IRAG2: variants seen among roughly 807,000 people sequenced by gnomAD.
The protein encoded by IRAG2 is inositol 1,4,5-triphosphate receptor associated 2, also known as lymphoid restricted membrane protein.
A neutral mutation model predicts 69.9 loss-of-function variants in IRAG2; 45 were observed. The observed-to-expected ratio is 0.64, with a 90% CI of 0.51 to 0.83. The LOEUF (loss-of-function observed/expected upper bound fraction) is 0.83, where lower values mean the gene tolerates loss of function less well. Among genes scored for constraint, IRAG2 ranks in the 40% least tolerant of loss-of-function variants. The pLI, the probability that IRAG2 is intolerant of heterozygous loss-of-function variation, is 0.00. For missense variants in IRAG2, 520 were observed against 587.0 expected (o/e 0.89, Z 1.18); for synonymous variants, 193 against 202.4 (o/e 0.95, Z 0.40).
At chr12:25,057,390 C>T (rs1429425439) in intron 1 of IRAG2, among the ~76,000 whole-genome samples, 1 of 149,124 alleles carries the variant, frequency 6.7e-6, no homozygotes, top group Non-Finnish European at 1.5e-5. Context: ...TCCTGAGTAG[C>T]TAGGACTATA....
chr12:25,005,655 G>A (rs1176863450), intron 2 of IRAG2, among the ~76,000 whole-genome samples: 4 of 152,032 alleles, frequency 2.6e-5, no homozygotes, highest in East Asian at 1.9e-4. Context: ...CGTAGGTGGC[G>A]CCCCACAGGA....
At chr12:25,026,733 TC>T in intron 8 of IRAG2, 1 of 829,084 alleles carries the variant, frequency 1.2e-6, no homozygotes. Context: ...ACTTTGTTTG[TC>T]CTCATCTTTT....
At chr12:25,097,238 T>TA (rs10686292) in intron 15 of IRAG2, among the ~76,000 whole-genome samples, 194 bp downstream of exon 15, 3 of 152,122 alleles carry the variant, frequency 2.0e-5, no homozygotes, top group African/African-American at 7.2e-5. Context: ...AAAAATATAA[T>TA]ACGATCCAGT....
At chr12:25,004,289 A>T, upstream of IRAG2, 1 of 1,138,262 alleles carries the variant, frequency 8.8e-7, no homozygotes, top group Middle Eastern at 3.3e-4. Flanking sequence ...ACATGTATCT[A>T]CTTTTGCCTA....
chr12:25,039,000 C>T (rs149694254), intron 16 of IRAG2, among the ~76,000 whole-genome samples: 3 of 152,256 alleles, frequency 2.0e-5, no homozygotes, highest in African/African-American at 7.2e-5. Context: ...CTTTCTCTAC[C>T]CTCAATTCTT....
At chr12:25,105,587 T>G (rs2140268539) in intron 20 of IRAG2, among the ~76,000 whole-genome samples, 1 of 152,252 alleles carries the variant, frequency 6.6e-6, no homozygotes, top group African/African-American at 2.4e-5. Flanking sequence ...CTACTGCATG[T>G]GTTACAAACT....
chr12:25,079,862 T>C (rs1947077356), intron 9 of IRAG2, 99 bp downstream of exon 9: 1 of 653,608 alleles, frequency 1.5e-6, no homozygotes, highest in Non-Finnish European at 2.6e-6. Context: ...AATAATGTTA[T>C]TTAATTTTTT....
At chr12:25,089,741 T>A in intron 12 of IRAG2, 22 bp from the exon 13 acceptor site, 1 of 1,613,238 alleles carries the variant, frequency 6.2e-7, no homozygotes, top group Non-Finnish European at 8.5e-7. Flanking sequence ...TGTTTAAATA[T>A]GTTTTTTGTC....
In IRAG2 at chr12:25,018,110, T is replaced by G. The variant is rs182524557; in HGVS notation, c.1214+818T>G. ...CTTCAGATGATGGACATTTGGAGTG[T>G]TTCCACTCTTTGGCTATTAGGAATA... On this transcript the variant is annotated intron_variant, in intron 6 of 38. Coordinates refer to the IRAG2 transcript ENST00000636465. Among the ~76,000 whole-genome samples, 306 of 152,260 alleles carry G rather than the reference T, an allele frequency of 2.0e-3. 1 individual carries two copies. Among genetic ancestry groups the G allele is most frequent in the Non-Finnish European group, 3.3e-3 (222 of 68,004 alleles).
At chr12:25,001,775 T>TG (rs1944392997), upstream of IRAG2, among the ~76,000 whole-genome samples, 2 of 151,242 alleles carry the variant, frequency 1.3e-5, no homozygotes, top group South Asian at 4.2e-4. Flanking sequence ...TTTTGGTTTT[T>TG]TTTTTTTTTT....
chr12:25,034,305 T>G (rs1344514512), intron 13 of IRAG2, among the ~76,000 whole-genome samples: 1 of 152,202 alleles, frequency 6.6e-6, no homozygotes, highest in African/African-American at 2.4e-5. Context: ...TTCCAAACCC[T>G]GAAAGTAAAT....
intron 13 of IRAG2, among the ~76,000 whole-genome samples, chr12:25,034,517 G>C (rs918692482): frequency 6.6e-6 from 1 of 152,100 alleles, no homozygotes; most frequent in South Asian, 2.1e-4. Context: ...GGTAGACCCA[G>C]TACTTTATAA....
intron 11 of IRAG2, among the ~76,000 whole-genome samples, chr12:25,088,890 T>C (rs1947830578): frequency 6.6e-6 from 1 of 152,152 alleles, no homozygotes; most frequent in South Asian, 2.1e-4. Flanking sequence ...AAAGTTCTCA[T>C]AAAAGTTAGT....
intron 8 of IRAG2, among the ~76,000 whole-genome samples, chr12:25,024,308 T>C (rs1344268009): frequency 1.3e-5 from 2 of 152,188 alleles, no homozygotes; most frequent in African/African-American, 4.8e-5. Flanking sequence ...AAAAAGGACC[T>C]TGGAAAAACC....
chr12:25,013,874 T>TC (rs1417619906), intron 3 of IRAG2, among the ~76,000 whole-genome samples: 6 of 122,262 alleles, frequency 4.9e-5, no homozygotes, highest in East Asian at 2.3e-4. Context: ...TTCTTTTTTT[T>TC]TTTTTTTTTT....
chr12:25,015,114 A>AAT, intron 3 of IRAG2: 1 of 351,112 alleles, frequency 2.8e-6, no homozygotes, highest in Non-Finnish European at 4.0e-6. Flanking sequence ...AAAAAAAAAG[A>AAT]CAAAACTTGG....
chr12:25,061,677 C>T (rs889922165), intron 2 of IRAG2, 24 bp downstream of exon 2: 4 of 398,376 alleles, frequency 1.0e-5, no homozygotes, highest in African/African-American at 8.2e-5. Context: ...GATATGTGTT[C>T]AGTTACTGTG....
At chr12:25,093,887 T>G (rs981872869) in intron 14 of IRAG2, 1 of 152,788 alleles carries the variant, frequency 6.5e-6, no homozygotes, top group African/African-American at 2.4e-5. Flanking sequence ...CTGCACTCAA[T>G]GTGGCAGGGC....
chr12:25,049,838 C>T (rs992970398), upstream of IRAG2, among the ~76,000 whole-genome samples: 1 of 151,874 alleles, frequency 6.6e-6, no homozygotes, highest in East Asian at 1.9e-4. Flanking sequence ...AAAAAATTAG[C>T]CAGGCATAGT....
Sources: allele counts gnomAD v4.1 joint callset (sites outside exome capture counted in the v4.1 genomes callset), GRCh38; gene constraint gnomAD v4.1.1; transcripts MANE v1.5; gene names NCBI Gene and HGNC (gene_info 2026-07-23, HGNC 2026-07-21).